PCDHA4: variants seen among roughly 807,000 people sequenced by gnomAD.
PCDHA4 encodes the protein protocadherin alpha-4.
In PCDHA4, 49 loss-of-function variants were observed where a neutral mutation model predicts 61.4. The ratio of observed to expected loss-of-function variants is 0.80; its 90% confidence interval spans 0.63 to 1.01. The LOEUF is 1.01. Ranked by LOEUF, PCDHA4 falls within the 50% of genes least tolerant of loss-of-function variation. The probability of loss-of-function intolerance (pLI) is 0.00; values close to 1 mark genes in which losing one functional copy is unlikely to be tolerated. For missense variants in PCDHA4, 1,254 were observed against 1,235.8 expected (o/e 1.01, Z -0.22); for synonymous variants, 590 against 550.3 (o/e 1.07, Z -1.01).
rs2150317144 is a variant in PCDHA4 at position 140,841,514 on chromosome 5, CG to C, written c.2385+31945del. ...GGCGGAGCTGGTGCCGCGCCTGTTC[CG>C]GGTGGCGTCCAAAAGACACCGGGAC... On this transcript the variant is annotated intron_variant, in intron 1 of 3. Transcript: ENST00000530339. 3,465 of 1,613,482 alleles carry C rather than the reference CG, an allele frequency of 2.1e-3. 25 individuals carry two copies. Among genetic ancestry groups the C allele is most frequent in the Non-Finnish European group, 2.6e-3 (3,065 of 1,179,942 alleles).
In PCDHA4 at chr5:140,851,118, T is replaced by C. The variant is rs1554145256; in HGVS notation, c.2385+41546T>C. Reference sequence around the variant, plus strand: ...TATTTTTTGGGTGCTGAATCAATTTTATTTAAATTTGTGATTAAAGTGACA... The same window carrying C: ...TATTTTTTGGGTGCTGAATCAATTTCATTTAAATTTGTGATTAAAGTGACA... On this transcript the variant is annotated intron_variant, in intron 1 of 3. Transcript: ENST00000530339. 5 of 1,307,406 alleles carry C rather than the reference T, an allele frequency of 3.8e-6. No individual in the cohort carries two copies. The East Asian group carries it at 1.3e-4, about 35-fold the overall frequency. The allele number at this position is 1,307,406 out of a possible 1,614,324, so 81.0% of individuals were successfully genotyped here.
chr5:141,002,120 T>C (rs1416494483), intron 3 of PCDHA4, among the ~76,000 whole-genome samples: 1 of 152,250 alleles, frequency 6.6e-6, no homozygotes, highest in African/African-American at 2.4e-5. Context: ...CTATAATCAT[T>C]TAATAGCCTT....
In PCDHA4 at chr5:141,009,879, A is replaced by T. The variant is rs2098415109; in HGVS notation, c.2786A>T (p.Asn929Ile). The T allele has an allele frequency of 1.2e-6, 2 of 1,613,766 alleles. No individual in the cohort carries two copies. The highest frequency in any genetic ancestry group is 3.3e-5 in the Admixed American group (2 of 59,900). Reference sequence around the variant, plus strand: ...AAAAAGAAGAAAAAGAAGAAGGGTAACAAGACCCAGGAGAAAAAAGAGAAA... The same window carrying T: ...AAAAAGAAGAAAAAGAAGAAGGGTATCAAGACCCAGGAGAAAAAAGAGAAA... The part of the protein sequence containing the change: ...TKKKKKKKKG[N>I]KTQEKKEKGN... Residue 929 changes from asparagine to isoleucine, a missense_variant, in exon 4 of 4, where the codon AAC (asparagine) becomes ATC (isoleucine). Coordinates refer to ENST00000530339, the MANE Select transcript of PCDHA4 (RefSeq NM_018907.4).
intron 1 of PCDHA4, chr5:140,870,008 G>A (rs2051578395): frequency 1.2e-6 from 2 of 1,613,528 alleles, no homozygotes; most frequent in Non-Finnish European, 1.7e-6. Flanking sequence ...GGAGAAGTGA[G>A]GGTCAATGGA....
intron 2 of PCDHA4, 129 bp from the exon 3 acceptor site, chr5:140,982,346 G>A: frequency 1.3e-6 from 2 of 1,492,346 alleles, no homozygotes; most frequent in South Asian, 2.7e-5. Context: ...AATTGCTTCA[G>A]TTCAAGCATG....
chr5:140,883,294 T>A (rs782475623), intron 1 of PCDHA4: 6 of 1,613,956 alleles, frequency 3.7e-6, no homozygotes, highest in Non-Finnish European at 4.2e-6. Context: ...AAGTACTAGA[T>A]GTAAATGATA....
chr5:140,926,325 T>C (rs1441503834), intron 1 of PCDHA4: 1 of 151,866 alleles, frequency 6.6e-6, no homozygotes, highest in African/African-American at 2.4e-5. Flanking sequence ...TGCGCCGGGG[T>C]CAGAGCGCCG....
chr5:140,929,496 G>T, intron 1 of PCDHA4: 14 of 989,736 alleles, frequency 1.4e-5, no homozygotes, highest in Non-Finnish European at 1.8e-5. Context: ...TTAGAAGATT[G>T]CCCTAGGCCT....
intron 1 of PCDHA4, chr5:140,877,954 T>C: frequency 7.5e-7 from 1 of 1,334,236 alleles, no homozygotes; most frequent in Non-Finnish European, 9.8e-7. Context: ...ATCGAATGTC[T>C]CATCTTTCTT....
intron 1 of PCDHA4, among the ~76,000 whole-genome samples, chr5:140,891,658 C>T (rs1241439148): frequency 6.6e-6 from 1 of 151,928 alleles, no homozygotes; most frequent in Non-Finnish European, 1.5e-5. Context: ...GATAGTTCAC[C>T]CACCTTAAAG....
rs2098416660 is a variant in PCDHA4, at chr5:141,010,249, T to C, written c.*312T>C. ...GCCCCGCCAGTGAGAGGTTGGACTC[T>C]CTGCCCTGTGCTCCGGGGATCCTGT... On this transcript the variant is annotated 3_prime_UTR_variant, in exon 4 of 4. Coordinates refer to ENST00000530339, the MANE Select transcript of PCDHA4 (RefSeq NM_018907.4). 2 of 1,551,772 alleles carry C rather than the reference T, an allele frequency of 1.3e-6. No homozygotes were observed. Among genetic ancestry groups the C allele is most frequent in the Non-Finnish European group, 1.7e-6 (2 of 1,147,036 alleles).
intron 1 of PCDHA4, chr5:140,875,760 C>A (rs781811926): frequency 1.2e-6 from 2 of 1,614,200 alleles, no homozygotes; most frequent in Non-Finnish European, 1.7e-6. Flanking sequence ...AGAAGCTGTG[C>A]GGGCGGAGCG....
At chr5:140,984,693 A>G (rs1587034361) in intron 3 of PCDHA4, among the ~76,000 whole-genome samples, 1 of 152,264 alleles carries the variant, frequency 6.6e-6, no homozygotes, top group East Asian at 1.9e-4. Flanking sequence ...TATGTTCTGC[A>G]CTGCTTGGAG....
intron 1 of PCDHA4, chr5:140,966,362 A>C: frequency 2.5e-6 from 1 of 400,494 alleles, no homozygotes; most frequent in Non-Finnish European, 4.4e-6. Flanking sequence ...GGGGCTGGAG[A>C]GGCTGAGCAG....
chr5:140,906,545 T>C (rs1477554651), intron 1 of PCDHA4, among the ~76,000 whole-genome samples: 2 of 152,256 alleles, frequency 1.3e-5, no homozygotes, highest in Admixed American at 6.5e-5. Context: ...TCCTCATTTC[T>C]GCAACTGGTT....
intron 1 of PCDHA4, chr5:140,821,853 G>C: frequency 6.2e-7 from 1 of 1,614,206 alleles, no homozygotes; most frequent in South Asian, 1.1e-5. Flanking sequence ...GGAAGGCAGG[G>C]AGCGGCCAGC....
chr5:140,816,976 A>G (rs1231523214), intron 1 of PCDHA4: 3 of 152,104 alleles, frequency 2.0e-5, no homozygotes, highest in Non-Finnish European at 4.4e-5. Context: ...CTGCCCACTA[A>G]AATTCAGGAA....
At chr5:140,841,791 C>A in intron 1 of PCDHA4, 1 of 1,613,854 alleles carries the variant, frequency 6.2e-7, no homozygotes, top group Non-Finnish European at 8.5e-7. Flanking sequence ...CTAGAGGGCG[C>A]GTCCGATGCA....
At position 140,857,387 on chromosome 5, in the gene PCDHA4, G is replaced by C. The variant is rs369919324; in HGVS notation, c.2385+47815G>C. 21 of 1,598,586 alleles carry C rather than the reference G, an allele frequency of 1.3e-5. 1 individual carries two copies. The Admixed American group carries it at 3.5e-4, about 27-fold the overall frequency. On this transcript the variant is annotated intron_variant, in intron 1 of 3. Coordinates refer to ENST00000530339, the MANE Select transcript of PCDHA4 (RefSeq NM_018907.4). The stretch of plus-strand genomic sequence containing the variant: ...CAGCGTGTCTGTGGAGGTGGCCGAC[G>C]TGAACGACAACGCGCCTGCGTTCGC...
Sources: allele counts gnomAD v4.1 joint callset (sites outside exome capture counted in the v4.1 genomes callset), GRCh38; gene constraint gnomAD v4.1.1; transcripts MANE v1.5; gene names NCBI Gene and HGNC (gene_info 2026-07-23, HGNC 2026-07-21).